ZMYM2: variants seen among roughly 807,000 people sequenced by gnomAD.
ZMYM2 encodes zinc finger MYM-type protein 2.
ZMYM2 carries 56 observed loss-of-function variants against 162.8 expected under a neutral mutation model. That is an observed-to-expected ratio of 0.34 (90% CI 0.28 to 0.43). ZMYM2 has a LOEUF of 0.43. ZMYM2 is among the 20% of genes least tolerant of loss of function. The pLI, the probability that ZMYM2 is intolerant of heterozygous loss-of-function variation, is 1.00. For synonymous variants in ZMYM2, 510 were observed against 541.6 expected, an observed-to-expected ratio of 0.94 and a Z score of 0.81; for missense variants, 1,275 against 1,621.8, an observed-to-expected ratio of 0.79 and a Z score of 3.67.
intron 21 of ZMYM2, among the ~76,000 whole-genome samples, chr13:20,080,375 G>A (rs1438533577): frequency 6.6e-6 from 1 of 151,982 alleles, no homozygotes; most frequent in Non-Finnish European, 1.5e-5. Flanking sequence ...TATACATGGT[G>A]TACATTTTTT....
the ZMYM2 span, among the ~76,000 whole-genome samples, chr13:19,875,354 G>A: frequency 6.6e-6 from 1 of 152,088 alleles, no homozygotes; most frequent in Non-Finnish European, 1.5e-5. Flanking sequence ...CTATTGCTGG[G>A]CGCAGCGGCT....
intron 14 of ZMYM2, among the ~76,000 whole-genome samples, chr13:20,056,006 G>T (rs555394907): frequency 6.6e-6 from 1 of 152,274 alleles, no homozygotes; most frequent in African/African-American, 2.4e-5. Flanking sequence ...CAGGGAAAAG[G>T]TTATATGGAA....
chr13:19,931,683 G>A, the ZMYM2 span, among the ~76,000 whole-genome samples: 7 of 152,266 alleles, frequency 4.6e-5, 1 homozygote, highest in Admixed American at 1.3e-4. Context: ...GAGTGCAGTC[G>A]TGCAATCATG....
At chr13:20,020,663 T>C (rs1165850306) in intron 7 of ZMYM2, among the ~76,000 whole-genome samples, 1 of 152,190 alleles carries the variant, frequency 6.6e-6, no homozygotes, top group East Asian at 1.9e-4. Flanking sequence ...TGTTTTGTAT[T>C]GTTTTTGTAC....
At chr13:19,937,711 A>C in the ZMYM2 span, among the ~76,000 whole-genome samples, 1 of 151,514 alleles carries the variant, frequency 6.6e-6, no homozygotes, top group South Asian at 2.1e-4. Flanking sequence ...ATAAGTATAC[A>C]TGTGCCATGT....
chr13:20,044,003 G>A (rs1387741906), intron 12 of ZMYM2, among the ~76,000 whole-genome samples: 1 of 152,096 alleles, frequency 6.6e-6, no homozygotes, highest in Admixed American at 6.5e-5. Context: ...TTTCACACTG[G>A]GACCCTGCAA....
the ZMYM2 span, among the ~76,000 whole-genome samples, chr13:19,925,010 G>C: frequency 6.6e-6 from 1 of 151,522 alleles, no homozygotes; most frequent in Non-Finnish European, 1.5e-5. Context: ...TCAGTCTCCT[G>C]AGTAGCTGGG....
rs375789681 is a variant in ZMYM2 at position 20,034,322 on chromosome 13, A to G, written c.2037A>G (p.Thr679=). 12 of 1,611,640 alleles carry G rather than the reference A, an allele frequency of 7.4e-6. No individual in the cohort carries two copies. Among genetic ancestry groups the G allele is most frequent in the Non-Finnish European group, 1.0e-5 (12 of 1,179,208 alleles). The change falls in exon 11 of 25, where the codon ACA becomes ACG. Residue 679 remains threonine (T), a synonymous_variant. Transcript: ENST00000610343. ...ATAAGAAGTTGCATTGCATAGTTACATATTGCGAATACTGTCAAGAGGAGA... is the reference window on the plus strand; with the variant it reads ...ATAAGAAGTTGCATTGCATAGTTACGTATTGCGAATACTGTCAAGAGGAGA... ...DDYKKLHCIV[T]YCEYCQEEKT... is the part of the protein sequence containing the mutation.
intron 2 of ZMYM2, among the ~76,000 whole-genome samples, chr13:19,965,059 A>G (rs1347927068): frequency 1.3e-5 from 2 of 149,848 alleles, no homozygotes; most frequent in Non-Finnish European, 3.0e-5. Context: ...CACAATGTGC[A>G]CATGTACCCT....
intron 6 of ZMYM2, among the ~76,000 whole-genome samples, chr13:20,013,873 T>G (rs1951397244): frequency 6.6e-6 from 1 of 152,168 alleles, no homozygotes; most frequent in South Asian, 2.1e-4. Context: ...TGTGGGATAC[T>G]GGTCTCTGAT....
intron 12 of ZMYM2, among the ~76,000 whole-genome samples, chr13:20,051,067 C>T (rs556192122): frequency 2.0e-5 from 3 of 152,110 alleles, no homozygotes; most frequent in South Asian, 4.1e-4. Context: ...GTTCATTACT[C>T]ATAAATGTTC....
At chr13:20,046,566 T>C (rs9509015) in intron 12 of ZMYM2, among the ~76,000 whole-genome samples, 3 of 36,768 alleles carry the variant, frequency 8.2e-5, no homozygotes, top group African/African-American at 2.0e-4. Flanking sequence ...AAAAAAAAAA[T>C]ATATATATAT....
chr13:20,025,842 TA>T (rs1183063377), intron 7 of ZMYM2: 1 of 152,256 alleles, frequency 6.6e-6, no homozygotes, highest in Non-Finnish European at 1.5e-5. Context: ...CAGGCAGTTG[TA>T]ACACAATGGT....
intron 21 of ZMYM2, among the ~76,000 whole-genome samples, chr13:20,072,950 A>G (rs1315548921): frequency 2.7e-5 from 4 of 150,662 alleles, no homozygotes; most frequent in Non-Finnish European, 5.9e-5. Flanking sequence ...ACTTTGTCGC[A>G]CAGGCTGGTG....
chr13:20,003,224 T>C, intron 4 of ZMYM2, 89 bp downstream of exon 4: 1 of 1,429,610 alleles, frequency 7.0e-7, no homozygotes, highest in African/African-American at 1.4e-5. Flanking sequence ...GTAATACCTT[T>C]GGAAACTTCC....
At chr13:20,065,979 A>T (rs1593200486) in intron 19 of ZMYM2, among the ~76,000 whole-genome samples, 1 of 152,154 alleles carries the variant, frequency 6.6e-6, no homozygotes, top group East Asian at 1.9e-4. Context: ...TAATATTTAG[A>T]TTATTAGTTT....
intron 6 of ZMYM2, among the ~76,000 whole-genome samples, chr13:20,016,764 C>A (rs144951004): frequency 6.6e-6 from 1 of 151,850 alleles, no homozygotes; most frequent in African/African-American, 2.4e-5. Context: ...TGCTTCTTTC[C>A]GTATTTTCTT....
the ZMYM2 span, among the ~76,000 whole-genome samples, chr13:19,919,166 C>T: frequency 6.7e-6 from 1 of 150,310 alleles, no homozygotes; most frequent in Non-Finnish European, 1.5e-5. Flanking sequence ...TATGCCTTTG[C>T]GATCCATCCA....
chr13:19,922,100 A>G, the ZMYM2 span, among the ~76,000 whole-genome samples: 1 of 152,070 alleles, frequency 6.6e-6, no homozygotes, highest in South Asian at 2.1e-4. Context: ...TTTTTAGTAG[A>G]GACGAGGTTT....
Sources: gnomAD v4.1 joint callset for allele counts (sites outside exome capture counted in the v4.1 genomes callset) on GRCh38, gnomAD v4.1.1 for gene constraint, MANE v1.5 for transcripts, NCBI Gene and HGNC (gene_info 2026-07-23, HGNC 2026-07-21) for gene names.